The following TAFA4 variants were observed in gnomAD, a reference collection of about 807,000 sequenced individuals.
TAFA4 encodes the protein chemokine-like protein TAFA-4.
A neutral mutation model predicts 21.1 loss-of-function variants in TAFA4; 20 were observed. The ratio of observed to expected loss-of-function variants is 0.95; its 90% CI spans 0.67 to 1.38. The LOEUF is 1.38. TAFA4 is among the 40% of genes most tolerant of loss of function. The probability of loss-of-function intolerance (pLI) is 0.00; values close to 1 mark genes in which losing one functional copy is unlikely to be tolerated. For synonymous variants in TAFA4, 71 were observed against 67.4 expected (o/e 1.05, Z -0.26); for missense variants, 211 against 180.9 (o/e 1.17, Z -0.95).
intron 3 of TAFA4, among the ~76,000 whole-genome samples, chr3:68,827,986 G>A (rs533611506): frequency 1.9e-4 from 29 of 152,212 alleles, no homozygotes; most frequent in Non-Finnish European, 3.8e-4. Flanking sequence ...TATTTCCTAG[G>A]TTTTCTTCTA....
chr3:68,820,454 G>T (rs1181028765), intron 3 of TAFA4, among the ~76,000 whole-genome samples: 1 of 152,008 alleles, frequency 6.6e-6, no homozygotes, highest in Non-Finnish European at 1.5e-5. Flanking sequence ...TGAGGCAGGG[G>T]AATTTGAGAC....
intron 3 of TAFA4, among the ~76,000 whole-genome samples, chr3:68,756,621 A>G (rs1378318377): frequency 6.6e-6 from 1 of 152,188 alleles, no homozygotes; most frequent in Non-Finnish European, 1.5e-5. Context: ...AAGAAAATTC[A>G]ATTACTGGTG....
At chr3:68,791,118 T>C (rs1013565751) in intron 3 of TAFA4, among the ~76,000 whole-genome samples, 2 of 152,196 alleles carry the variant, frequency 1.3e-5, no homozygotes, top group Non-Finnish European at 2.9e-5. Flanking sequence ...CACATGGCCC[T>C]GGGGCACTAG....
At chr3:68,750,482 C>T (rs1390528799) in intron 4 of TAFA4, among the ~76,000 whole-genome samples, 4 of 152,164 alleles carry the variant, frequency 2.6e-5, no homozygotes, top group Non-Finnish European at 5.9e-5. Context: ...TTGTGTAAAA[C>T]ACACACTCAT....
chr3:68,847,123 C>T lies in TAFA4; in HGVS notation c.130+33607G>A, dbSNP rs112961352. On this transcript the variant is annotated intron_variant, in intron 3 of 5. Transcript: ENST00000295569. ...CTGCTGAAGCTGTGCCCACAGCTGT[C>T]CCTTCCCCGAGGTGATCTGTCCCAG... Among the ~76,000 whole-genome samples, 32 of 152,320 alleles carry T rather than the reference C, an allele frequency of 2.1e-4. 1 individual carries two copies. The highest frequency in any genetic ancestry group is 6.5e-4 in the African/African-American group (27 of 41,568).
chr3:68,884,376 C>T (rs965376081), intron 2 of TAFA4, among the ~76,000 whole-genome samples: 1 of 152,192 alleles, frequency 6.6e-6, no homozygotes, highest in African/African-American at 2.4e-5. Flanking sequence ...GGGTGGCCAT[C>T]TCTCCACCAT....
Position 68,803,298 on chromosome 3 carries a change from G to A in TAFA4, c.131-50280C>T, listed in dbSNP as rs139238641. Among the ~76,000 whole-genome samples the A allele has an allele frequency of 2.9e-3, 449 of 152,270 alleles. 2 individuals carry two copies. The highest frequency in any genetic ancestry group is 0.01 in the African/African-American group (428 of 41,562). On this transcript the variant is annotated intron_variant, in intron 3 of 5. Transcript: ENST00000295569. Reference sequence around the variant, plus strand: ...CTCTTTCTTTGTGTTTCTACAGAATGGGTTTGAAACTGCTGCCTGGTTCCA... The same window carrying A: ...CTCTTTCTTTGTGTTTCTACAGAATAGGTTTGAAACTGCTGCCTGGTTCCA...
At chr3:68,920,052 AATGGT>A (rs2090042875) in intron 1 of TAFA4, among the ~76,000 whole-genome samples, 1 of 152,224 alleles carries the variant, frequency 6.6e-6, no homozygotes, top group African/African-American at 2.4e-5. Flanking sequence ...TTTGTTCAAG[AATGGT>A]ATCATCATAC....
chr3:68,743,691 T>C (rs1021947223), intron 4 of TAFA4, among the ~76,000 whole-genome samples: 2 of 152,252 alleles, frequency 1.3e-5, no homozygotes, highest in East Asian at 3.9e-4. Context: ...TACTTACTGT[T>C]CCTCTTTTGA....
At chr3:68,921,932 C>T (rs1472406763) in intron 1 of TAFA4, among the ~76,000 whole-genome samples, 2 of 152,146 alleles carry the variant, frequency 1.3e-5, no homozygotes, top group Non-Finnish European at 2.9e-5. Flanking sequence ...ACAGAAAACA[C>T]ATCTTATGCT....
intron 1 of TAFA4, among the ~76,000 whole-genome samples, chr3:68,930,339 T>C (rs1042819336): frequency 2.0e-5 from 3 of 152,166 alleles, no homozygotes; most frequent in African/African-American, 4.8e-5. Flanking sequence ...GAACAAGTAA[T>C]ACAATTAAAG....
intron 3 of TAFA4, among the ~76,000 whole-genome samples, chr3:68,759,886 G>T (rs901490479): frequency 3.9e-5 from 6 of 152,092 alleles, no homozygotes; most frequent in East Asian, 1.9e-4. Context: ...GTGGGCAGAT[G>T]GGGGGTAGAT....
intron 4 of TAFA4, among the ~76,000 whole-genome samples, chr3:68,746,981 C>T (rs1235979026): frequency 6.6e-6 from 1 of 152,164 alleles, no homozygotes. Flanking sequence ...CAGTAGCACC[C>T]TCTCCCAGCT....
chr3:68,863,560 C>A (rs534453598), intron 3 of TAFA4, among the ~76,000 whole-genome samples: 161 of 152,134 alleles, frequency 1.1e-3, no homozygotes, highest in Non-Finnish European at 1.9e-3. Context: ...AAAATTTCAT[C>A]TAACAGCTGT....
intron 3 of TAFA4, among the ~76,000 whole-genome samples, chr3:68,784,800 G>A (rs181723255): frequency 6.6e-6 from 1 of 152,236 alleles, no homozygotes; most frequent in East Asian, 1.9e-4. Context: ...GTTTTGACAG[G>A]GCGCTGATTG....
intron 3 of TAFA4, among the ~76,000 whole-genome samples, chr3:68,773,160 G>T (rs1702989743): frequency 6.6e-6 from 1 of 152,144 alleles, no homozygotes; most frequent in Non-Finnish European, 1.5e-5. Context: ...CCCCACTTTA[G>T]ATGTCAGGCC....
In TAFA4 at chr3:68,885,296, C is replaced by A; in HGVS notation, c.-108G>T. 2 of 997,604 alleles carry A rather than the reference C, an allele frequency of 2.0e-6. No homozygotes were observed. The highest frequency in any genetic ancestry group is 2.9e-6 in the Non-Finnish European group (2 of 679,458). The allele number at this position is 997,604 out of a possible 1,614,324, so 61.8% of individuals were successfully genotyped here. Reference sequence around the variant, plus strand: ...CATTTCTGCCGTTCCAAAAAATTATCGTAGCTCAGAAGACCTATGTTAAAA... The same window carrying A: ...CATTTCTGCCGTTCCAAAAAATTATAGTAGCTCAGAAGACCTATGTTAAAA... On this transcript the variant is annotated 5_prime_UTR_variant, in exon 2 of 6. Transcript: ENST00000295569.
chr3:68,931,751 G>A (rs73835378), intron 1 of TAFA4, among the ~76,000 whole-genome samples: 3,675 of 132,392 alleles, frequency 0.028, 173 homozygotes, highest in African/African-American at 0.095. Context: ...CAAGATCCTA[G>A]CAACCAGAGC....
chr3:68,845,845 C>T (rs1403714712), intron 3 of TAFA4, among the ~76,000 whole-genome samples: 2 of 152,190 alleles, frequency 1.3e-5, no homozygotes, highest in African/African-American at 2.4e-5. Flanking sequence ...TATTGGCCCC[C>T]ACTCTCTTCT....
Sources: allele counts gnomAD v4.1 joint callset (sites outside exome capture counted in the v4.1 genomes callset), GRCh38; gene constraint gnomAD v4.1.1; transcripts MANE v1.5; gene names NCBI Gene and HGNC (gene_info 2026-07-23, HGNC 2026-07-21).